Variants in CD2AP observed in about 807,000 individuals in gnomAD.
CD2AP encodes CD2-associated protein.
In CD2AP, 46 loss-of-function variants were observed where a neutral mutation model predicts 85.1. The observed-to-expected ratio is 0.54, with a 90% CI of 0.43 to 0.69. CD2AP has a LOEUF of 0.69. Among genes scored for constraint, CD2AP ranks in the 30% least tolerant of loss-of-function variants. The pLI, the probability that CD2AP is intolerant of heterozygous loss-of-function variation, is 0.00. For missense variants in CD2AP, 769 were observed against 729.5 expected (o/e 1.05, Z -0.62); for synonymous variants, 255 against 252.9 (o/e 1.01, Z -0.08).
At chr6:47,527,789 T>C (rs1013980385) in intron 2 of CD2AP, among the ~76,000 whole-genome samples, 4 of 152,202 alleles carry the variant, frequency 2.6e-5, no homozygotes, top group African/African-American at 9.6e-5. Context: ...CCAGTGGCCC[T>C]GCCCTGGATT....
intron 8 of CD2AP, among the ~76,000 whole-genome samples, chr6:47,577,394 T>C (rs1296298048): frequency 1.3e-5 from 2 of 152,168 alleles, no homozygotes; most frequent in African/African-American, 4.8e-5. Context: ...TAACCTCAAC[T>C]TCCCAGGTTT....
At chr6:47,579,920 G>A (rs1276077432) in intron 9 of CD2AP, 3 of 164,598 alleles carry the variant, frequency 1.8e-5, no homozygotes, top group Non-Finnish European at 3.9e-5. Flanking sequence ...TGTTATTTTT[G>A]TGTCACTTCT....
At chr6:47,478,380 C>A in intron 1 of CD2AP, 132 bp downstream of exon 1, 2 of 1,017,252 alleles carry the variant, frequency 2.0e-6, no homozygotes, top group Non-Finnish European at 3.0e-6. Flanking sequence ...TCTCCATTCT[C>A]CCCACCGCCC....
intron 15 of CD2AP, 55 bp downstream of exon 15, chr6:47,608,083 T>C: frequency 8.5e-7 from 1 of 1,176,502 alleles, no homozygotes; most frequent in Non-Finnish European, 1.3e-6. Flanking sequence ...TTTGTGGACA[T>C]CAAACATAGG....
intron 17 of CD2AP, among the ~76,000 whole-genome samples, chr6:47,615,849 G>A (rs868223781): frequency 2.7e-5 from 4 of 147,312 alleles, no homozygotes; most frequent in Non-Finnish European, 3.0e-5. Flanking sequence ...GTACGAACTC[G>A]GCTGACTGCA....
chr6:47,485,007 C>T (rs1765531160), intron 1 of CD2AP, among the ~76,000 whole-genome samples: 2 of 152,186 alleles, frequency 1.3e-5, no homozygotes, highest in Non-Finnish European at 2.9e-5. Context: ...ACGCGTTACT[C>T]ACTGTGTTTG....
At chr6:47,579,604 T>A (rs985498354) in intron 9 of CD2AP, 115 bp downstream of exon 9, 3 of 699,642 alleles carry the variant, frequency 4.3e-6, no homozygotes, top group Non-Finnish European at 5.1e-6. Flanking sequence ...GAGTTTCAGA[T>A]GTAGCTATTC....
intron 1 of CD2AP, among the ~76,000 whole-genome samples, chr6:47,489,939 G>A (rs938111930): frequency 4.2e-5 from 6 of 143,684 alleles, no homozygotes; most frequent in African/African-American, 1.6e-4. Flanking sequence ...ATTGGTATTC[G>A]TTTGAGTAAC....
chr6:47,482,369 GT>G lies in CD2AP; in HGVS notation c.4+4129del, dbSNP rs200805546. Among the ~76,000 whole-genome samples the G allele has an allele frequency of 4.2e-3, 613 of 145,060 alleles. 2 individuals are homozygous for G. The highest frequency in any genetic ancestry group is 0.014 in the African/African-American group (559 of 39,672). On this transcript the variant is annotated intron_variant, in intron 1 of 17. Transcript: ENST00000359314. ...TAGAAATGAGCCGGAAGTTTGCTTT[GT>G]TTTTTTTGTCTTTTTTTTTTTTTTT...
Position 47,478,228 on chromosome 6 carries a change from C to T in CD2AP, c.-17C>T, listed in dbSNP as rs760034318. The T allele has an allele frequency of 5.4e-5, 84 of 1,568,994 alleles. No individual in the cohort carries two copies. Among genetic ancestry groups the T allele is most frequent in the Non-Finnish European group, 7.0e-5 (81 of 1,157,666 alleles). ...AGGAGGAGCGGACGTCGGCTTCTCC[C>T]CGCGGGAGCCCCCAGCATGGGTAAG... On this transcript the variant is annotated 5_prime_UTR_variant, in exon 1 of 18. Coordinates refer to ENST00000359314, the MANE Select transcript of CD2AP (RefSeq NM_012120.3).
At chr6:47,598,556 G>A (rs1456670955) in intron 12 of CD2AP, among the ~76,000 whole-genome samples, 1 of 150,938 alleles carries the variant, frequency 6.6e-6, no homozygotes, top group African/African-American at 2.4e-5. Flanking sequence ...TATATACCAT[G>A]GAATACTACT....
At chr6:47,610,563 C>T (rs1324237072) in intron 16 of CD2AP, among the ~76,000 whole-genome samples, 2 of 151,974 alleles carry the variant, frequency 1.3e-5, no homozygotes. Flanking sequence ...TTGAGATTAA[C>T]AGTATAAGGT....
chr6:47,552,638 G>GTAC (rs1315087054), intron 4 of CD2AP, among the ~76,000 whole-genome samples: 1 of 152,112 alleles, frequency 6.6e-6, no homozygotes, highest in Non-Finnish European at 1.5e-5. Flanking sequence ...TTTTACCACT[G>GTAC]TACTACTCTG....
Position 47,478,329 on chromosome 6 carries a change from G to T in CD2AP, c.4+81G>T, listed in dbSNP as rs1668347302. On this transcript the variant is annotated intron_variant, in intron 1 of 17. Transcript: ENST00000359314. ...CTGTGCCCTTTCTCGGCCTTCTGGG[G>T]AGGCGACTGCGGTCAGCCCCTGAGC... 5 of 1,509,240 alleles carry T rather than the reference G, an allele frequency of 3.3e-6. No individual in the cohort carries two copies. The Middle Eastern group carries it at 5.1e-4, about 153-fold the overall frequency. The allele number at this position is 1,509,240 out of a possible 1,614,324, so 93.5% of individuals were successfully genotyped here. A position where few individuals can be genotyped will look rare whatever the true frequency, so the allele number is the denominator to read the frequency against.
intron 10 of CD2AP, among the ~76,000 whole-genome samples, chr6:47,581,447 T>C (rs961105857): frequency 6.6e-5 from 10 of 152,118 alleles, no homozygotes; most frequent in Non-Finnish European, 1.3e-4. Flanking sequence ...AGATTTGCTG[T>C]TTTTTTAGAA....
intron 17 of CD2AP, among the ~76,000 whole-genome samples, chr6:47,620,882 T>A (rs1051102875): frequency 6.6e-6 from 1 of 152,158 alleles, no homozygotes; most frequent in African/African-American, 2.4e-5. Flanking sequence ...AGCTACTGAT[T>A]TGTGTAGCTC....
intron 8 of CD2AP, among the ~76,000 whole-genome samples, chr6:47,578,439 C>G (rs764500226): frequency 1.3e-5 from 2 of 152,108 alleles, no homozygotes; most frequent in Non-Finnish European, 2.9e-5. Flanking sequence ...TTGCAAACTC[C>G]TGGCGTCAGG....
At chr6:47,604,143 T>G (rs990513685) in intron 13 of CD2AP, among the ~76,000 whole-genome samples, 1 of 152,142 alleles carries the variant, frequency 6.6e-6, no homozygotes, top group Non-Finnish European at 1.5e-5. Context: ...ACGTGCAGAT[T>G]GTAAGTGGCT....
chr6:47,582,231 CAG>C (rs750505426), intron 11 of CD2AP, 166 bp downstream of exon 11: 1 of 589,476 alleles, frequency 1.7e-6, no homozygotes, highest in Non-Finnish European at 3.1e-6. Context: ...ATTTCTCAAA[CAG>C]ATAACAATTT....
Sources: allele counts gnomAD v4.1 joint callset (sites outside exome capture counted in the v4.1 genomes callset), GRCh38; gene constraint gnomAD v4.1.1; transcripts MANE v1.5; gene names NCBI Gene and HGNC (gene_info 2026-07-23, HGNC 2026-07-21).